IFT46: variants seen among roughly 807,000 people sequenced by gnomAD.
IFT46 encodes the protein intraflagellar transport protein 46 homolog.
IFT46 carries 19 observed loss-of-function variants against 39.6 expected under a neutral mutation model. That is an observed-to-expected ratio of 0.48 (90% CI 0.33 to 0.70). The LOEUF is 0.70. Ranked by LOEUF, IFT46 falls within the 30% of genes least tolerant of loss-of-function variation. The probability of loss-of-function intolerance (pLI) is 0.01; values close to 1 mark genes in which losing one functional copy is unlikely to be tolerated. For synonymous variants in IFT46, 117 were observed against 134.8 expected (o/e 0.87, Z 0.91); for missense variants, 334 against 364.8 (o/e 0.92, Z 0.69).
chr11:118,559,115 G>A (rs151189539), intron 3 of IFT46, among the ~76,000 whole-genome samples: 1,964 of 151,776 alleles, frequency 0.013, 21 homozygotes, highest in Non-Finnish European at 0.02. Context: ...TGATCCGCCC[G>A]CCTCGGCCTC....
chr11:118,575,936 T>C (rs1170267632), upstream of IFT46, among the ~76,000 whole-genome samples: 5 of 152,040 alleles, frequency 3.3e-5, no homozygotes, highest in African/African-American at 1.2e-4. Flanking sequence ...GCAGTGGGTA[T>C]AAAATGGAAG....
chr11:118,545,012 C>T lies in IFT46; in HGVS notation c.820-1G>A. On this transcript the variant is annotated splice_acceptor_variant, in intron 11 of 11. Coordinates refer to ENST00000264021, the MANE Select transcript of IFT46 (RefSeq NM_001168618.2). LOFTEE classifies it high-confidence loss of function. ...TGCCTTCAGCGAGAGCTTTAAAATG[C>T]TGCAAGGAAGAGGAGAGGGAATATT... 1 of 1,604,892 alleles carries T rather than the reference C, an allele frequency of 6.2e-7. No homozygotes were observed. The highest frequency in any genetic ancestry group is 8.5e-7 in the Non-Finnish European group (1 of 1,172,722).
chr11:118,560,253 A>G, intron 2 of IFT46: 1 of 176,820 alleles, frequency 5.7e-6, no homozygotes. Flanking sequence ...TCTACAAAAA[A>G]AAAAAAAGAA....
At chr11:118,552,881 A>G (rs1937693978) in intron 7 of IFT46, among the ~76,000 whole-genome samples, 1 of 150,134 alleles carries the variant, frequency 6.7e-6, no homozygotes, top group Non-Finnish European at 1.5e-5. Flanking sequence ...AGGTCAGCCT[A>G]GACAACATAG....
Position 118,545,814 on chromosome 11 carries a change from C to CT in IFT46, c.711dup (p.Glu238ArgfsTer4), listed in dbSNP as rs1565342755. 6.2e-7 allele frequency: 1 copy of CT among 1,614,210 alleles called. No individual in the cohort carries two copies. Among genetic ancestry groups the CT allele is most frequent in the Non-Finnish European group, 8.5e-7 (1 of 1,180,038 alleles). The stretch of plus-strand genomic sequence containing the variant: ...TCACCACAGATCATGTCAATGTACT[C>CT]TGCCAGGCTGCAATCAATCTCTGCC... On this transcript the variant is annotated frameshift_variant, in exon 10 of 12. Coordinates refer to ENST00000264021, the MANE Select transcript of IFT46 (RefSeq NM_001168618.2). LOFTEE classifies it high-confidence loss of function.
chr11:118,553,113 GGCA>G (rs1937707591), intron 7 of IFT46, among the ~76,000 whole-genome samples: 1 of 151,332 alleles, frequency 6.6e-6, no homozygotes, highest in Non-Finnish European at 1.5e-5. Flanking sequence ...GCCATGGAAA[GGCA>G]GCAGGTCAAA....
intron 2 of IFT46, among the ~76,000 whole-genome samples, chr11:118,562,447 A>C (rs1008066691): frequency 7.9e-5 from 12 of 152,310 alleles, no homozygotes; most frequent in African/African-American, 2.9e-4. Flanking sequence ...CTCTATAAAT[A>C]AAAAATTAAA....
At chr11:118,570,089 C>T (rs1370075851), upstream of IFT46, among the ~76,000 whole-genome samples, 4 of 135,064 alleles carry the variant, frequency 3.0e-5, no homozygotes, top group Non-Finnish European at 4.6e-5. Context: ...CTCCCTCTGT[C>T]GCCACGCTGG....
At chr11:118,554,935 CAG>C in intron 6 of IFT46, 53 bp downstream of exon 6, 2 of 1,239,372 alleles carry the variant, frequency 1.6e-6, no homozygotes, top group Non-Finnish European at 2.4e-6. Context: ...TTAAGAGTAA[CAG>C]GGGCATCAGA....
chr11:118,560,127 C>T (rs1462851257), intron 2 of IFT46: 1 of 400,150 alleles, frequency 2.5e-6, no homozygotes, highest in Non-Finnish European at 4.5e-6. Context: ...ATAATATAAA[C>T]TCTGGCCAGG....
chr11:118,559,283 G>C (rs989151161), intron 3 of IFT46, among the ~76,000 whole-genome samples: 5 of 152,086 alleles, frequency 3.3e-5, no homozygotes, highest in African/African-American at 1.2e-4. Flanking sequence ...TAGGTACACA[G>C]AATAACAGCA....
chr11:118,569,717 G>C (rs1555072088), upstream of IFT46, among the ~76,000 whole-genome samples: 1 of 152,122 alleles, frequency 6.6e-6, no homozygotes, highest in Non-Finnish European at 1.5e-5. Context: ...GTGTAAAATG[G>C]AGACAATAAA....
intron 7 of IFT46, among the ~76,000 whole-genome samples, chr11:118,553,769 G>A (rs962974730): frequency 1.3e-5 from 2 of 152,240 alleles, no homozygotes; most frequent in Non-Finnish European, 2.9e-5. Flanking sequence ...AGCAAATCTG[G>A]TAAATCCATA....
chr11:118,570,513 C>G (rs147682852), upstream of IFT46, among the ~76,000 whole-genome samples: 53 of 152,252 alleles, frequency 3.5e-4, no homozygotes, highest in Non-Finnish European at 5.9e-4. Flanking sequence ...ATGAAGCACT[C>G]AATTAAAAGT....
In IFT46 at chr11:118,556,971, A is replaced by T. The variant is rs374070039; in HGVS notation, c.120T>A (p.Asp40Glu). 6.2e-7 allele frequency: 1 copy of T among 1,611,210 alleles called. No homozygotes were observed. Among genetic ancestry groups the T allele is most frequent in the Non-Finnish European group, 8.5e-7 (1 of 1,177,986 alleles). ...AATCAGAATCAGTTTCAGATGAATC[A>T]TCATCATCATCATCGTCATCCTCAT... ...SENEDDDDDD[D>E]DSSETDSDSD... Residue 40 changes from aspartate to glutamate, a missense_variant, in exon 4 of 12, where the codon GAT becomes GAA. Physicochemically the swap from Asp to Glu is conservative, Grantham distance 45. Transcript: ENST00000264021.
Position 118,560,160 on chromosome 11 carries a change from C to T in IFT46, c.-35-296G>A, listed in dbSNP as rs1257068761. ...AGGGGCAGTGGCTCATGCCTATAAT[C>T]CCAACACTTTGGGAAGGGGAGGCAG... On this transcript the variant is annotated intron_variant, in intron 2 of 11. Transcript: ENST00000264021. The T allele has an allele frequency of 4.0e-5, 12 of 299,830 alleles. No individual in the cohort carries two copies. The South Asian group carries it at 5.7e-4, about 14-fold the overall frequency. 18.6% of individuals were successfully genotyped at this position (299,830 alleles called of 1,614,324 possible).
intron 1 of IFT46, chr11:118,572,591 C>A: frequency 6.3e-7 from 1 of 1,596,624 alleles, no homozygotes; most frequent in Middle Eastern, 1.7e-4. Flanking sequence ...GGGTCCGAGC[C>A]TCACCGTCTC....
intron 1 of IFT46, chr11:118,565,441 G>A (rs1225418757): frequency 7.1e-6 from 1 of 140,624 alleles, no homozygotes; most frequent in Non-Finnish European, 1.5e-5. Context: ...AAAGAGTTCT[G>A]TCTCTGGAGT....
At chr11:118,576,442 A>AAAC (rs1938511668), upstream of IFT46, among the ~76,000 whole-genome samples, 1 of 131,402 alleles carries the variant, frequency 7.6e-6, no homozygotes, top group Admixed American at 7.2e-5. Flanking sequence ...AAAAAAAAAA[A>AAAC]AAAAAAACCA....
Sources: allele counts gnomAD v4.1 joint callset (sites outside exome capture counted in the v4.1 genomes callset), GRCh38; gene constraint gnomAD v4.1.1; transcripts MANE v1.5; gene names NCBI Gene and HGNC (gene_info 2026-07-23, HGNC 2026-07-21).